NOTCH2: variants seen among roughly 807,000 people sequenced by gnomAD.
NOTCH2 encodes the protein notch receptor 2, also known as neurogenic locus notch homolog protein 2.
Under a neutral mutation model 235.8 loss-of-function variants are expected in NOTCH2, and 29 were observed. The observed-to-expected ratio is 0.12, with a 90% CI of 0.09 to 0.17. NOTCH2 has a LOEUF of 0.17. NOTCH2 is among the 10% of genes least tolerant of loss of function. The pLI, the probability that NOTCH2 is intolerant of heterozygous loss-of-function variation, is 1.00. For missense variants in NOTCH2, 2,285 were observed against 3,150.2 expected, an observed-to-expected ratio of 0.73 and a Z score of 6.57; for synonymous variants, 1,086 against 1,141.5, an observed-to-expected ratio of 0.95 and a Z score of 0.98.
rs1397882515 is a variant in NOTCH2, at chr1:119,913,460, A to C, written c.*1846T>G. 1 of 233,218 alleles carries C rather than the reference A, an allele frequency of 4.3e-6. No homozygotes were observed. 14.4% of individuals were successfully genotyped at this position (233,218 alleles called of 1,614,324 possible). A position where few individuals can be genotyped will look rare whatever the true frequency, so the allele number is the denominator to read the frequency against. ...AAAAGAGTCGGGAATTCACCTGTTA[A>C]TATCTACAAAATGCCCAGGCAGAAC... On this transcript the variant is annotated 3_prime_UTR_variant, in exon 34 of 34. Coordinates refer to ENST00000256646, the MANE Select transcript of NOTCH2 (RefSeq NM_024408.4).
rs1352666380 is a variant in NOTCH2, at chr1:119,915,936, G to T, written c.6786C>A (p.Thr2262=). The T allele has an allele frequency of 6.2e-7, 1 of 1,614,006 alleles. No individual in the cohort carries two copies. Among genetic ancestry groups the T allele is most frequent in the African/African-American group, 1.3e-5 (1 of 74,908 alleles). The part of the protein sequence containing the change: ...DWMNRMEVNE[T]QYNEMFGMVL... ...CCATACCAAACATCTCATTGTACTG[G>T]GTCTCATTCACCTCCATGCGGTTCA... Residue 2262 remains threonine (T), a synonymous_variant, in exon 34 of 34, where the codon ACC becomes ACA. Coordinates refer to ENST00000256646, the MANE Select transcript of NOTCH2 (RefSeq NM_024408.4).
rs1649064972 is a variant in NOTCH2, at chr1:119,916,257, T to C, written c.6465A>G (p.Glu2155=). 3.1e-6 allele frequency: 5 copies of C among 1,613,782 alleles called. No individual in the cohort carries two copies. In the Admixed American group the frequency reaches 8.3e-5, roughly 27 times the overall value. ...SVTLSPVDSL[E]SPHTYVSDTT... is the part of the protein sequence containing the mutation. ...TGTCGGAAACATACGTGTGAGGAGA[T>C]TCTAGGGAATCAACAGGGGATAAAG... Residue 2155 remains glutamate (E), a synonymous_variant, in exon 34 of 34, where the codon GAA becomes GAG. Coordinates refer to ENST00000256646, the MANE Select transcript of NOTCH2 (RefSeq NM_024408.4).
chr1:119,920,513 A>C (rs758288627), intron 29 of NOTCH2, 116 bp from the exon 30 acceptor site: 16 of 1,132,310 alleles, frequency 1.4e-5, no homozygotes, highest in Non-Finnish European at 2.0e-5. Context: ...CTCTCTTCCT[A>C]CTCCTCCACC....
At chr1:119,928,280 G>T (rs764409300) in intron 23 of NOTCH2, among the ~76,000 whole-genome samples, 23 of 152,140 alleles carry the variant, frequency 1.5e-4, no homozygotes, top group Non-Finnish European at 3.1e-4. Flanking sequence ...CCTTTACTGG[G>T]CAAGGCATTA....
intron 1 of NOTCH2, among the ~76,000 whole-genome samples, chr1:120,033,187 C>A (rs587774541): frequency 2.1e-3 from 15 of 7,066 alleles, no homozygotes; most frequent in Admixed American, 3.9e-3. Flanking sequence ...GCACTTTGGG[C>A]GGCTGAGGTG....
At chr1:119,920,462 G>A (rs182216631) in intron 29 of NOTCH2, 65 bp from the exon 30 acceptor site, 512 of 1,554,318 alleles carry the variant, frequency 3.3e-4, no homozygotes, top group Admixed American at 5.5e-4. Flanking sequence ...ATCAGAAGGT[G>A]TCCAGAGCCT....
intron 19 of NOTCH2, 152 bp from the exon 20 acceptor site, chr1:119,938,162 C>T: frequency 1.2e-6 from 1 of 834,522 alleles, no homozygotes; most frequent in South Asian, 1.6e-5. Flanking sequence ...AAACTAGATT[C>T]AGTGTTCCGA....
chr1:120,008,798 T>C (rs1289021436), intron 2 of NOTCH2, among the ~76,000 whole-genome samples: 4 of 152,258 alleles, frequency 2.6e-5, no homozygotes, highest in South Asian at 2.1e-4. Context: ...ATGCCTATTA[T>C]GTGCCAGGCA....
At position 119,911,688 on chromosome 1, in the gene NOTCH2, CCAAT is replaced by C. The variant is rs1214580662; in HGVS notation, c.*3614_*3617del. The C allele has an allele frequency of 4.3e-6, 1 of 232,950 alleles. No homozygotes were observed. The allele number at this position is 232,950 out of a possible 1,614,324, so 14.4% of individuals were successfully genotyped here. ...AATTTCACTTAAGGAATGTTACAAA[CCAAT>C]CATTTACATAACAGCATAATTAATA... On this transcript the variant is annotated 3_prime_UTR_variant, in exon 34 of 34. Coordinates refer to ENST00000256646, the MANE Select transcript of NOTCH2 (RefSeq NM_024408.4).
chr1:120,014,943 G>C, intron 2 of NOTCH2, among the ~76,000 whole-genome samples: 1 of 140,754 alleles, frequency 7.1e-6, no homozygotes, highest in African/African-American at 2.6e-5. Flanking sequence ...TGTATCAGCA[G>C]GGTGAGGCCA....
At chr1:119,919,748 T>C in intron 30 of NOTCH2, 135 bp from the exon 31 acceptor site, 2 of 839,756 alleles carry the variant, frequency 2.4e-6, no homozygotes, top group East Asian at 2.7e-5. Flanking sequence ...AACTGGTTAT[T>C]AGTTTCACAT....
chr1:119,955,309 T>C, intron 12 of NOTCH2, 77 bp from the exon 13 acceptor site: 1 of 1,456,236 alleles, frequency 6.9e-7, no homozygotes, highest in Non-Finnish European at 9.6e-7. Flanking sequence ...ACACGTTATG[T>C]TGACATCCTT....
intron 5 of NOTCH2, among the ~76,000 whole-genome samples, chr1:119,972,207 C>T (rs782669542): frequency 6.6e-5 from 10 of 151,812 alleles, no homozygotes; most frequent in African/African-American, 9.7e-5. Context: ...GTGAGCTCAC[C>T]GGCAATAATC....
intron 9 of NOTCH2, 52 bp from the exon 10 acceptor site, chr1:119,965,618 T>A: frequency 8.1e-7 from 1 of 1,231,086 alleles, no homozygotes; most frequent in Non-Finnish European, 1.2e-6. Context: ...TGTGTCTCCC[T>A]TTACCATGAG....
intron 23 of NOTCH2, among the ~76,000 whole-genome samples, chr1:119,927,213 C>T (rs587608039): frequency 1.2e-4 from 18 of 152,264 alleles, no homozygotes; most frequent in African/African-American, 1.2e-4. Context: ...AGATAAAGAA[C>T]GAGGCAACTG....
intron 1 of NOTCH2, among the ~76,000 whole-genome samples, chr1:120,033,887 T>A (rs1282806038): frequency 6.6e-6 from 1 of 151,966 alleles, no homozygotes; most frequent in Non-Finnish European, 1.5e-5. Flanking sequence ...TTGTACCCTA[T>A]AAATGTATAC....
chr1:119,951,673 TA>T (rs1650480110), intron 14 of NOTCH2, among the ~76,000 whole-genome samples: 1 of 152,172 alleles, frequency 6.6e-6, no homozygotes, highest in Non-Finnish European at 1.5e-5. Context: ...ATAAAAGGAA[TA>T]AAAAATTAGT....
chr1:119,967,497 G>T lies in NOTCH2; in HGVS notation c.1389C>A (p.Asp463Glu). The change falls in exon 8 of 34, where the codon GAC becomes GAA. Residue 463 changes from aspartate (D) to glutamate (E), a missense_variant. Asp to Glu is a conservative substitution (Grantham distance 45). Transcript: ENST00000256646. ...CEMDINECHS[D>E]PCQNDATCLD... ...GACAGGTAGCATCATTCTGGCAGGG[G>T]TCTGAATGGCACTCATTGATGTCCA... The T allele has an allele frequency of 6.2e-7, 1 of 1,614,088 alleles. No individual in the cohort carries two copies. The highest frequency in any genetic ancestry group is 8.5e-7 in the Non-Finnish European group (1 of 1,179,966).
chr1:119,980,919 C>T (rs927742282), intron 5 of NOTCH2, among the ~76,000 whole-genome samples: 4 of 152,130 alleles, frequency 2.6e-5, no homozygotes, highest in African/African-American at 9.7e-5. Flanking sequence ...TCAAACCTCC[C>T]CTTTTCTCAC....
Sources: allele counts gnomAD v4.1 joint callset (sites outside exome capture counted in the v4.1 genomes callset), GRCh38; gene constraint gnomAD v4.1.1; transcripts MANE v1.5; gene names NCBI Gene and HGNC (gene_info 2026-07-23, HGNC 2026-07-21).